ADAMTS7: variants seen among roughly 807,000 people sequenced by gnomAD.
The protein encoded by ADAMTS7 is ADAM metallopeptidase with thrombospondin type 1 motif 7, also known as A disintegrin and metalloproteinase with thrombospondin motifs 7.
Under a neutral mutation model 172.6 loss-of-function variants are expected in ADAMTS7, and 89 were observed. The ratio of observed to expected loss-of-function variants is 0.52; its 90% CI spans 0.43 to 0.61. The LOEUF is 0.61. Ranked by LOEUF, ADAMTS7 falls within the 20% of genes least tolerant of loss-of-function variation. The pLI, the probability that ADAMTS7 is intolerant of heterozygous loss-of-function variation, is 0.00. For synonymous variants in ADAMTS7, 885 were observed against 978.4 expected (o/e 0.90, Z 1.78); for missense variants, 1,973 against 2,355.6 (o/e 0.84, Z 3.36).
chr15:78,779,678 G>C (rs1264127710), intron 8 of ADAMTS7, among the ~76,000 whole-genome samples: 2 of 152,116 alleles, frequency 1.3e-5, no homozygotes, highest in African/African-American at 4.8e-5. Context: ...CCTCCTTCCC[G>C]CTAGCATTCT....
At position 78,780,183 on chromosome 15, in the gene ADAMTS7, C is replaced by T. The variant is rs560789327; in HGVS notation, c.1323-2595G>A. Among the ~76,000 whole-genome samples, 31 of 147,030 alleles carry T rather than the reference C, an allele frequency of 2.1e-4. No homozygotes were observed. In the East Asian group the frequency reaches 5.3e-3, roughly 25 times the overall value. ...GGCAGGCTCACTGCCAGGTCCTCTGCGCTGCCGACACACCCGGATCCCCAA... is the reference window on the plus strand; with the variant it reads ...GGCAGGCTCACTGCCAGGTCCTCTGTGCTGCCGACACACCCGGATCCCCAA... On this transcript the variant is annotated intron_variant, in intron 8 of 23. Transcript: ENST00000388820.
At chr15:78,795,554 G>T (rs1255765906) in intron 4 of ADAMTS7, among the ~76,000 whole-genome samples, 2 of 152,304 alleles carry the variant, frequency 1.3e-5, no homozygotes, top group East Asian at 3.9e-4. Flanking sequence ...ATCTCAGAGG[G>T]TACTTCCTTT....
chr15:78,771,306 G>C lies in ADAMTS7; in HGVS notation c.2377-3C>G. On this transcript the variant is annotated splice_polypyrimidine_tract_variant and splice_region_variant and intron_variant, in intron 15 of 23. Coordinates refer to ENST00000388820, the MANE Select transcript of ADAMTS7 (RefSeq NM_014272.5). The surrounding 1 kb of genome is among the most constrained non-coding windows in gnomAD (Gnocchi z 4.9). ...GGGTTGCTCTCCTGGAACAGCAGCT[G>C]GGTGGGCAGGCGGGGGCCCATGAGC... is the stretch of plus-strand genomic sequence containing the variant. 6.2e-7 allele frequency: 1 copy of C among 1,612,320 alleles called. No individual in the cohort carries two copies. Among genetic ancestry groups the C allele is most frequent in the Non-Finnish European group, 8.5e-7 (1 of 1,178,966 alleles).
At chr15:78,808,088 TCAAACGATCTGC>T in intron 1 of ADAMTS7, among the ~76,000 whole-genome samples, 1 of 152,264 alleles carries the variant, frequency 6.6e-6, no homozygotes, top group South Asian at 2.1e-4. Context: ...ATTTCTGGGC[TCAAACGATCTGC>T]CTACCTTGGC....
rs1011737487 is a variant in ADAMTS7, at chr15:78,771,211, G to T, written c.2469C>A (p.Phe823Leu). The T allele has an allele frequency of 6.2e-7, 1 of 1,611,892 alleles. No homozygotes were observed. Residue 823 changes from phenylalanine to leucine, a missense_variant, in exon 16 of 24, where the codon TTC becomes TTA. This residue lies in a region of ADAMTS7 where 771 missense variants were observed against 952.6 expected (regional missense o/e 0.81). Transcript: ENST00000388820. The surrounding 1 kb of genome is among the most constrained non-coding windows in gnomAD (Gnocchi z 4.9). Reference sequence around the variant, plus strand: ...TGGTCCAGGGCCCATAATGCCAGGAGAACACGGGCGGCGGGACCTCGTCGT... The same window carrying T: ...TGGTCCAGGGCCCATAATGCCAGGATAACACGGGCGGCGGGACCTCGTCGT... ...GGHDEVPPPV[F>L]SWHYGPWTKC...
Position 78,811,319 on chromosome 15 carries a change from G to T in ADAMTS7, c.-99C>A, listed in dbSNP as rs2055864205. The T allele has an allele frequency of 1.7e-6, 2 of 1,203,782 alleles. No homozygotes were observed. The highest frequency in any genetic ancestry group is 1.6e-5 in the African/African-American group (1 of 63,390). The allele number at this position is 1,203,782 out of a possible 1,614,324, so 74.6% of individuals were successfully genotyped here. On this transcript the variant is annotated 5_prime_UTR_variant, in exon 1 of 24. Coordinates refer to ENST00000388820, the MANE Select transcript of ADAMTS7 (RefSeq NM_014272.5). ...CCAGGTCCGGCTCAGGACATGCCCG[G>T]CCGGCGTGCAGCTCCCGGCGACCCG...
In ADAMTS7 at chr15:78,764,558, A is replaced by C; in HGVS notation, c.4416T>G (p.Ser1472Arg). Reference protein sequence around the residue: ...PCATWHSGNWSKCSRSCGGGS... With the variant: ...PCATWHSGNWRKCSRSCGGGS... Reference sequence around the variant, plus strand: ...TCCTGGCTCCATCCTCACGCACCTTACTCCAGTTGCCTGAGTGCCAGGTGG... The same window carrying C: ...TCCTGGCTCCATCCTCACGCACCTTCCTCCAGTTGCCTGAGTGCCAGGTGG... The change falls in exon 20 of 24, where the codon AGT becomes AGG. Residue 1472 changes from serine to arginine, a missense_variant. Physicochemically the swap from Ser to Arg is moderately radical, Grantham distance 110. Coordinates refer to ENST00000388820, the MANE Select transcript of ADAMTS7 (RefSeq NM_014272.5). 1 of 1,548,036 alleles carries C rather than the reference A, an allele frequency of 6.5e-7. No homozygotes were observed. Among genetic ancestry groups the C allele is most frequent in the Non-Finnish European group, 8.7e-7 (1 of 1,154,488 alleles).
chr15:78,765,939 T>C lies in ADAMTS7; in HGVS notation c.3972A>G (p.Ser1324=), dbSNP rs2055136799. The change falls in exon 19 of 24, where the codon TCA becomes TCG. Residue 1324 remains serine (S), a synonymous_variant. Transcript: ENST00000388820. ...ACACTGCCACAGTCTGCAGGTCCCA[T>C]GAGCCTGGTCCTGGGGTTGGGAAGG... ...TPSFPTPGPG[S]WDLQTVAVWG... is the part of the protein sequence containing the mutation. The C allele has an allele frequency of 2.5e-6, 4 of 1,586,804 alleles. No individual in the cohort carries two copies. The highest frequency in any genetic ancestry group is 2.7e-5 in the African/African-American group (2 of 74,454).
chr15:78,779,545 A>G (rs912196175), intron 8 of ADAMTS7, among the ~76,000 whole-genome samples: 7 of 152,122 alleles, frequency 4.6e-5, no homozygotes, highest in African/African-American at 1.7e-4. Flanking sequence ...TGGCAGCGAG[A>G]CCTGGTGGGG....
chr15:78,763,618 C>T, intron 22 of ADAMTS7, 81 bp downstream of exon 22: 1 of 1,470,654 alleles, frequency 6.8e-7, no homozygotes, highest in East Asian at 2.4e-5. Flanking sequence ...AGCACACACT[C>T]CACAGCTCCT....
Position 78,767,656 on chromosome 15 carries a change from A to AG in ADAMTS7, c.2646-65dup, listed in dbSNP as rs547397485. On this transcript the variant is annotated intron_variant, in intron 17 of 23. Transcript: ENST00000388820. Reference sequence around the variant, plus strand: ...ACAGGTGGCCTGCAGGCTCACCAGCAGGGGGGGCCAGGCTGGGCTTCCAGG... The same window carrying AG: ...ACAGGTGGCCTGCAGGCTCACCAGCAGGGGGGGGCCAGGCTGGGCTTCCAGG... The AG allele has an allele frequency of 1.4e-4, 199 of 1,434,790 alleles. 1 individual carries two copies. In the South Asian group the frequency reaches 1.9e-3, roughly 14 times the overall value. 88.9% of individuals were successfully genotyped at this position (1,434,790 alleles called of 1,614,324 possible). A position where few individuals can be genotyped will look rare whatever the true frequency, so the allele number is the denominator to read the frequency against.
At chr15:78,790,619 C>G (rs1046667906) in intron 6 of ADAMTS7, 51 bp downstream of exon 6, 2 of 1,603,824 alleles carry the variant, frequency 1.2e-6, no homozygotes, top group East Asian at 2.2e-5. Flanking sequence ...TCTGCAGGGC[C>G]GGGAAGCACC....
At chr15:78,791,958 T>A (rs2055587129) in intron 4 of ADAMTS7, among the ~76,000 whole-genome samples, 2 of 77,052 alleles carry the variant, frequency 2.6e-5, no homozygotes, top group Admixed American at 2.5e-4. Flanking sequence ...CTTTTAAAAC[T>A]CCCTCAGAAC....
At chr15:78,767,661 G>T in intron 17 of ADAMTS7, 69 bp from the exon 18 acceptor site, 2 of 1,399,940 alleles carry the variant, frequency 1.4e-6, no homozygotes, top group African/African-American at 1.4e-5. Flanking sequence ...CCAGCAGGGG[G>T]GGCCAGGCTG....
rs1419557170 is a variant in ADAMTS7 at position 78,794,727 on chromosome 15, G to GT, written c.819+1862dup. 6.6e-5 allele frequency among the ~76,000 whole-genome samples: 10 copies of GT among 151,908 alleles called. No homozygotes were observed. The South Asian group carries it at 8.3e-4, about 13-fold the overall frequency. On this transcript the variant is annotated intron_variant, in intron 4 of 23. Transcript: ENST00000388820. ...CAGGTCTTTTTTTGTTTTTGTTTTT[G>GT]TTTTTTTTGAGATGGAGTCTCGCTC...
intron 8 of ADAMTS7, among the ~76,000 whole-genome samples, chr15:78,782,254 C>T (rs1370463374): frequency 6.6e-6 from 1 of 152,258 alleles, no homozygotes; most frequent in East Asian, 1.9e-4. Context: ...TTGTCTCGAA[C>T]TCCTGACCTC....
chr15:78,761,933 G>A (rs2055051432), intron 23 of ADAMTS7: 1 of 985,280 alleles, frequency 1.0e-6, no homozygotes, highest in African/African-American at 1.7e-5. Context: ...GCAGGACCCT[G>A]GAAAGGAGGC....
At position 78,759,557 on chromosome 15, in the gene ADAMTS7, G is replaced by A. The variant is rs777110775; in HGVS notation, c.4925C>T (p.Ser1642Phe). The change falls in exon 24 of 24, where the codon TCC becomes TTC. Residue 1642 changes from serine to phenylalanine, a missense_variant. Coordinates refer to ENST00000388820, the MANE Select transcript of ADAMTS7 (RefSeq NM_014272.5). ...GCGCAGCGTCTCGCAGAACCCGAAG[G>A]ACAGGCGGTCCCGCTCACAGCCTGG... is the stretch of plus-strand genomic sequence containing the variant. ...EPPRCERDRLSFGFCETLRLL... is the reference protein window; with the variant it reads ...EPPRCERDRLFFGFCETLRLL... 1.9e-6 allele frequency: 3 copies of A among 1,591,888 alleles called. No individual in the cohort carries two copies. Among genetic ancestry groups the A allele is most frequent in the African/African-American group, 2.7e-5 (2 of 74,648 alleles).
intron 1 of ADAMTS7, among the ~76,000 whole-genome samples, chr15:78,803,761 T>A (rs1333401355): frequency 6.6e-6 from 1 of 152,198 alleles, no homozygotes; most frequent in East Asian, 1.9e-4. Context: ...CAACTATGGA[T>A]ATTTTGAAGT....
Sources: gnomAD v4.1 joint callset for allele counts (sites outside exome capture counted in the v4.1 genomes callset) on GRCh38, gnomAD v4.1.1 for gene constraint, gnomAD v4.1.1 regional missense constraint, Gnocchi (gnomAD v3.1) non-coding constraint, MANE v1.5 for transcripts, NCBI Gene and HGNC (gene_info 2026-07-23, HGNC 2026-07-21) for gene names.